Variants in ATP8A1 observed in about 807,000 individuals in gnomAD.
ATP8A1 encodes phospholipid-transporting ATPase IA.
A neutral mutation model predicts 177.7 loss-of-function variants in ATP8A1; 90 were observed. That is an observed-to-expected ratio of 0.51 (90% CI 0.43 to 0.60). The LOEUF (loss-of-function observed/expected upper bound fraction) is 0.60, where lower values mean the gene tolerates loss of function less well. Among genes scored for constraint, ATP8A1 ranks in the 20% least tolerant of loss-of-function variants. ATP8A1 has a pLI of 0.00. For synonymous variants in ATP8A1, 493 were observed against 485.9 expected, an observed-to-expected ratio of 1.01 and a Z score of -0.19; for missense variants, 1,072 against 1,392.8, an observed-to-expected ratio of 0.77 and a Z score of 3.67.
chr4:42,439,594 G>A (rs763894315), intron 33 of ATP8A1, among the ~76,000 whole-genome samples: 1 of 152,206 alleles, frequency 6.6e-6, no homozygotes, highest in Non-Finnish European at 1.5e-5. Context: ...TACAGTCATC[G>A]CTCGAGAAGC....
intron 27 of ATP8A1, among the ~76,000 whole-genome samples, chr4:42,458,356 C>T (rs1270242541): frequency 5.3e-5 from 8 of 152,196 alleles, no homozygotes; most frequent in Admixed American, 5.2e-4. Context: ...ACAGTATCAC[C>T]TTATTGACTT....
intron 25 of ATP8A1, among the ~76,000 whole-genome samples, chr4:42,479,058 G>A (rs577199050): frequency 6.6e-6 from 1 of 152,322 alleles, no homozygotes; most frequent in South Asian, 2.1e-4. Flanking sequence ...TTGCAGGAAA[G>A]TTCTGTTTTA....
intron 20 of ATP8A1, among the ~76,000 whole-genome samples, chr4:42,536,649 A>G (rs549742417): frequency 1.3e-5 from 2 of 152,330 alleles, no homozygotes; most frequent in South Asian, 2.1e-4. Context: ...AAAACAAAAA[A>G]AACTACAGAC....
intron 25 of ATP8A1, among the ~76,000 whole-genome samples, chr4:42,473,820 G>GTTT (rs35611601): frequency 9.9e-5 from 13 of 131,686 alleles, no homozygotes; most frequent in East Asian, 9.0e-4. Flanking sequence ...TAATTTTTGT[G>GTTT]TTTTTTTTTT....
intron 16 of ATP8A1, among the ~76,000 whole-genome samples, chr4:42,554,752 T>C (rs1042333452): frequency 1.1e-4 from 16 of 152,190 alleles, no homozygotes; most frequent in African/African-American, 3.9e-4. Context: ...TCAACTTGAC[T>C]GAAGGACGCA....
rs111801057 is a variant in ATP8A1, at chr4:42,519,251, A to G, written c.1947+2909T>C. Reference sequence around the variant, plus strand: ...ACCACAGGTGCATGCTACCACATCCAGCTAATTTTTAAAAATTATTTACAG... The same window carrying G: ...ACCACAGGTGCATGCTACCACATCCGGCTAATTTTTAAAAATTATTTACAG... On this transcript the variant is annotated intron_variant, in intron 22 of 36. Transcript: ENST00000381668. Among the ~76,000 whole-genome samples, 205 of 152,150 alleles carry G rather than the reference A, an allele frequency of 1.3e-3. 1 individual carries two copies. Among genetic ancestry groups the G allele is most frequent in the African/African-American group, 4.7e-3 (195 of 41,496 alleles).
intron 25 of ATP8A1, among the ~76,000 whole-genome samples, chr4:42,476,942 A>G (rs886711467): frequency 2.0e-5 from 3 of 152,332 alleles, no homozygotes; most frequent in Admixed American, 6.5e-5. Context: ...TAGCAATATT[A>G]CCACTGATTT....
rs180949234 is a variant in ATP8A1, at chr4:42,546,973, A to C, written c.1652+2040T>G. ...CAGCCTTCCATTTCCCCCTCATTTT[A>C]TATCTTCTCTTCAGGAGATCCCATT... On this transcript the variant is annotated intron_variant, in intron 19 of 36. Coordinates refer to ENST00000381668, the MANE Select transcript of ATP8A1 (RefSeq NM_006095.2). Among the ~76,000 whole-genome samples, 5 of 152,088 alleles carry C rather than the reference A, an allele frequency of 3.3e-5. No individual in the cohort carries two copies. The East Asian group carries it at 9.7e-4, about 29-fold the overall frequency.
chr4:42,438,398 T>C (rs1470246433), intron 33 of ATP8A1, among the ~76,000 whole-genome samples: 3 of 152,176 alleles, frequency 2.0e-5, no homozygotes, highest in Non-Finnish European at 4.4e-5. Flanking sequence ...TTTCTGATGA[T>C]GTAGGATGAC....
chr4:42,604,106 CAT>C (rs764381916), intron 5 of ATP8A1, among the ~76,000 whole-genome samples: 9 of 152,006 alleles, frequency 5.9e-5, no homozygotes, highest in Non-Finnish European at 8.8e-5. Context: ...ATCCTTTGCA[CAT>C]GTTTCCATGC....
At chr4:42,478,283 G>T (rs1721291012) in intron 25 of ATP8A1, among the ~76,000 whole-genome samples, 1 of 152,038 alleles carries the variant, frequency 6.6e-6, no homozygotes, top group Admixed American at 6.5e-5. Context: ...TTGAGTCTGG[G>T]GCTGGGGGAT....
rs933905017 is a variant in ATP8A1 at position 42,524,617 on chromosome 4, C to T, written c.1807+146G>A. ...GTAAAATAAAAACACAGGCTGGGAA[C>T]AGCATATAGTAAAATCTAAATTGCC... is the stretch of plus-strand genomic sequence containing the variant. On this transcript the variant is annotated intron_variant, in intron 21 of 36. Coordinates refer to ENST00000381668, the MANE Select transcript of ATP8A1 (RefSeq NM_006095.2). The T allele has an allele frequency of 8.6e-6, 4 of 464,456 alleles. No homozygotes were observed. In the East Asian group the frequency reaches 1.0e-4, roughly 12 times the overall value. The allele number at this position is 464,456 out of a possible 1,614,324, so 28.8% of individuals were successfully genotyped here.
chr4:42,578,503 G>A lies in ATP8A1; in HGVS notation c.1001-116C>T, dbSNP rs1214944585. 13 of 1,151,218 alleles carry A rather than the reference G, an allele frequency of 1.1e-5. No homozygotes were observed. In the East Asian group the frequency reaches 3.2e-4, roughly 28 times the overall value. 71.3% of individuals were successfully genotyped at this position (1,151,218 alleles called of 1,614,324 possible). A position where few individuals can be genotyped will look rare whatever the true frequency, so the allele number is the denominator to read the frequency against. On this transcript the variant is annotated intron_variant, in intron 11 of 36. Transcript: ENST00000381668. ...CGCAGCTTATTTGATAATTTGGGAG[G>A]AACACTTTGCTGATAATCTATCCTA...
At chr4:42,444,685 T>C (rs369725675) in intron 31 of ATP8A1, 51 bp from the exon 32 acceptor site, 6 of 1,529,564 alleles carry the variant, frequency 3.9e-6, no homozygotes, top group Non-Finnish European at 5.4e-6. Flanking sequence ...TGAAAGTTCA[T>C]CAAATGACTG....
chr4:42,571,312 T>A lies in ATP8A1; in HGVS notation c.1296-2107A>T, dbSNP rs79903826. Among the ~76,000 whole-genome samples the A allele has an allele frequency of 2.7e-4, 41 of 152,332 alleles. No homozygotes were observed. In the East Asian group the frequency reaches 7.1e-3, roughly 26 times the overall value. ...TATATAAAGATTGCTTTTAAAAACT[T>A]ATTTTTCATTTAAAGGGAAAATGCA... On this transcript the variant is annotated intron_variant, in intron 14 of 36. Transcript: ENST00000381668.
intron 16 of ATP8A1, among the ~76,000 whole-genome samples, chr4:42,553,211 GT>G (rs1210077888): frequency 3.9e-5 from 6 of 152,340 alleles, no homozygotes; most frequent in Admixed American, 3.9e-4. Context: ...AAAGGCAGAT[GT>G]AGCTGAATCT....
At position 42,506,618 on chromosome 4, in the gene ATP8A1, GA is replaced by G. The variant is rs989003502; in HGVS notation, c.2086+397del. Among the ~76,000 whole-genome samples the G allele has an allele frequency of 1.2e-4, 18 of 152,166 alleles. 1 individual carries two copies. The highest frequency in any genetic ancestry group is 1.5e-5 in the Non-Finnish European group (1 of 68,026). ...GAACTTCCAGCTTCTAGAACTGTGTGAAAATAAATTTCTGTTGCCTAAGCCA... is the reference window on the plus strand; with the variant it reads ...GAACTTCCAGCTTCTAGAACTGTGTGAAATAAATTTCTGTTGCCTAAGCCA... On this transcript the variant is annotated intron_variant, in intron 23 of 36. Coordinates refer to ENST00000381668, the MANE Select transcript of ATP8A1 (RefSeq NM_006095.2).
intron 33 of ATP8A1, among the ~76,000 whole-genome samples, chr4:42,426,585 CAAT>C (rs1326561723): frequency 6.6e-6 from 1 of 152,198 alleles, no homozygotes; most frequent in Non-Finnish European, 1.5e-5. Context: ...GAATTAAACT[CAAT>C]AATGTTTGTA....
chr4:42,416,939 C>T (rs186526341), intron 35 of ATP8A1, among the ~76,000 whole-genome samples: 40 of 152,282 alleles, frequency 2.6e-4, no homozygotes, highest in Non-Finnish European at 3.8e-4. Context: ...TCAACATAAG[C>T]GCAAGGTGAG....
Sources: gnomAD v4.1 joint callset for allele counts (sites outside exome capture counted in the v4.1 genomes callset) on GRCh38, gnomAD v4.1.1 for gene constraint, MANE v1.5 for transcripts, NCBI Gene and HGNC (gene_info 2026-07-23, HGNC 2026-07-21) for gene names.